The following DRC2 variants were observed in gnomAD, a reference collection of about 807,000 sequenced individuals.
DRC2 encodes the protein coiled-coil domain containing 65.
the DRC2 span, chr12:48,921,549 T>G: frequency 6.7e-7 from 1 of 1,484,212 alleles, no homozygotes; most frequent in African/African-American, 1.4e-5. Context: ...TGTAGGGATG[T>G]TGCTATTAAA....
At chr12:48,909,862 T>C in the DRC2 span, among the ~76,000 whole-genome samples, 1 of 148,798 alleles carries the variant, frequency 6.7e-6, no homozygotes, top group Admixed American at 6.7e-5. Flanking sequence ...CTCACTGCAG[T>C]CTCCACCTCC....
the DRC2 span, among the ~76,000 whole-genome samples, chr12:48,914,822 T>C: frequency 1.3e-5 from 2 of 152,114 alleles, no homozygotes; most frequent in Non-Finnish European, 2.9e-5. Context: ...TCTTTTTTTT[T>C]CTTTCACTAT....
the DRC2 span, chr12:48,914,333 G>C: frequency 6.9e-7 from 1 of 1,453,772 alleles, no homozygotes; most frequent in Non-Finnish European, 9.2e-7. Context: ...AAAACTGCCA[G>C]CTGAATATAT....
chr12:48,917,020 T>A, the DRC2 span: 1 of 1,614,102 alleles, frequency 6.2e-7, no homozygotes, highest in Non-Finnish European at 8.5e-7. Context: ...CTGCAAGATA[T>A]CTTCATGGCC....
chr12:48,910,753 A>G, the DRC2 span, among the ~76,000 whole-genome samples: 4 of 152,232 alleles, frequency 2.6e-5, no homozygotes, highest in East Asian at 5.8e-4. Context: ...ACTTAATAAT[A>G]TATCTTGGAG....
At chr12:48,918,695 C>T in the DRC2 span, 2 of 1,613,208 alleles carry the variant, frequency 1.2e-6, no homozygotes, top group African/African-American at 1.3e-5. Flanking sequence ...GATGCCATAA[C>T]TATTTCAAAA....
chr12:48,914,453 T>G, the DRC2 span: 20 of 1,614,046 alleles, frequency 1.2e-5, no homozygotes, highest in Non-Finnish European at 1.4e-5. Flanking sequence ...GCCCATGCCC[T>G]GCGCAGCCAC....
the DRC2 span, chr12:48,904,980 T>A: frequency 6.2e-7 from 1 of 1,613,122 alleles, no homozygotes; most frequent in Middle Eastern, 1.7e-4. Context: ...AACAGTGCTC[T>A]GAACCTTAAT....
the DRC2 span, chr12:48,918,286 G>A: frequency 6.2e-7 from 1 of 1,614,010 alleles, no homozygotes; most frequent in Admixed American, 1.7e-5. Context: ...ATTTAGAAGA[G>A]AAGCACTTTC....
the DRC2 span, among the ~76,000 whole-genome samples, chr12:48,917,570 A>T: frequency 6.6e-6 from 1 of 152,228 alleles, no homozygotes; most frequent in Non-Finnish European, 1.5e-5. Flanking sequence ...CCCTGTAGGT[A>T]TCCCTAATGC....
chr12:48,913,091 C>T, the DRC2 span, among the ~76,000 whole-genome samples: 13 of 138,388 alleles, frequency 9.4e-5, no homozygotes, highest in African/African-American at 3.2e-4. Flanking sequence ...GCCAAGATCG[C>T]GCCACTGCAC....
chr12:48,916,059 G>A, the DRC2 span, among the ~76,000 whole-genome samples: 5 of 149,118 alleles, frequency 3.4e-5, no homozygotes, highest in South Asian at 2.1e-4. Flanking sequence ...GGGAAGAGGC[G>A]CTCCTCACTT....
chr12:48,910,569 C>T, the DRC2 span, among the ~76,000 whole-genome samples: 12 of 152,162 alleles, frequency 7.9e-5, no homozygotes, highest in Non-Finnish European at 1.6e-4. Context: ...AGGTAATACA[C>T]TCACATTATT....
the DRC2 span, chr12:48,920,848 G>A: frequency 7.3e-7 from 1 of 1,363,740 alleles, no homozygotes; most frequent in Non-Finnish European, 1.0e-6. Context: ...TAGCTTCCCT[G>A]GGTTCAAACA....
chr12:48,921,517 A>ATTTT, the DRC2 span: 7 of 1,387,642 alleles, frequency 5.0e-6, no homozygotes, highest in Non-Finnish European at 5.7e-6. Context: ...ACTCCTAGAG[A>ATTTT]TTTTTTTTTT....
chr12:48,918,645 T>A, the DRC2 span: 1 of 1,593,766 alleles, frequency 6.3e-7, no homozygotes, highest in Admixed American at 1.7e-5. Context: ...GACCCTCAGT[T>A]GGTCAAGTAG....
At chr12:48,904,136 C>T in the DRC2 span, 1 of 619,348 alleles carries the variant, frequency 1.6e-6, no homozygotes, top group Admixed American at 2.9e-5. Flanking sequence ...GGAGACTAGA[C>T]GCGTCTTACA....
the DRC2 span, among the ~76,000 whole-genome samples, chr12:48,911,976 C>A: frequency 2.0e-5 from 3 of 151,566 alleles, no homozygotes; most frequent in African/African-American, 7.3e-5. Context: ...AAAAAAACTT[C>A]TGGCTGGGCA....
At chr12:48,914,701 A>G in the DRC2 span, 1 of 803,034 alleles carries the variant, frequency 1.2e-6, no homozygotes. Flanking sequence ...CGGGACCCCC[A>G]GCAGAGAATA....
Sources: allele counts gnomAD v4.1 joint callset (sites outside exome capture counted in the v4.1 genomes callset), GRCh38; gene constraint gnomAD v4.1.1; transcripts MANE v1.5; gene names NCBI Gene and HGNC (gene_info 2026-07-23, HGNC 2026-07-21).